The following ARF6 variants were observed in gnomAD, a reference collection of about 807,000 sequenced individuals.
ARF6 encodes the protein ARF GTPase 6.
For missense variants in ARF6, 75 were observed against 232.0 expected (o/e 0.32, Z 4.40); for synonymous variants, 127 against 95.5 (o/e 1.33, Z -1.92).
Position 49,893,735 on chromosome 14 carries a change from C to T in ARF6, c.-2C>T, listed in dbSNP as rs1894482355. On this transcript the variant is annotated 5_prime_UTR_variant, in exon 2 of 2. Transcript: ENST00000298316. ...GCCCCCGGCCCCGGCTCCTCCGACG[C>T]GATGGGGAAGGTGCTATCCAAAATC... 4 of 1,607,930 alleles carry T rather than the reference C, an allele frequency of 2.5e-6. No homozygotes were observed. Among genetic ancestry groups the T allele is most frequent in the Non-Finnish European group, 3.4e-6 (4 of 1,174,776 alleles).
In ARF6 at chr14:49,895,437, A is replaced by G. The variant is rs1894508672; in HGVS notation, c.*1173A>G. ...TGAAGCTGTAAGTCATTTTTTATAG[A>G]TGAGTGATCCGCATCTCCATCAATT... On this transcript the variant is annotated 3_prime_UTR_variant, in exon 2 of 2. Transcript: ENST00000298316. 6.0e-6 allele frequency: 1 copy of G among 167,124 alleles called. No individual in the cohort carries two copies. 10.4% of individuals were successfully genotyped at this position (167,124 alleles called of 1,614,324 possible). A position where few individuals can be genotyped will look rare whatever the true frequency, so the allele number is the denominator to read the frequency against.
rs544191647 is a variant in ARF6, at chr14:49,893,412, G to C, written c.-325G>C. 2 of 213,832 alleles carry C rather than the reference G, an allele frequency of 9.4e-6. No individual in the cohort carries two copies. The highest frequency in any genetic ancestry group is 2.5e-4 in the East Asian group (2 of 8,102). The allele number at this position is 213,832 out of a possible 1,614,324, so 13.2% of individuals were successfully genotyped here. A position where few individuals can be genotyped will look rare whatever the true frequency, so the allele number is the denominator to read the frequency against. ...CCCTCGCGGTGAGAGGAAGGCGGAG[G>C]AGCGGGAACCGCGGCGGCGCTCGCG... is the stretch of plus-strand genomic sequence containing the variant. On this transcript the variant is annotated 5_prime_UTR_variant, in exon 2 of 2. Transcript: ENST00000298316.
Position 49,894,132 on chromosome 14 carries a change from C to T in ARF6, c.396C>T (p.Pro132=), listed in dbSNP as rs755693781. The T allele has an allele frequency of 6.2e-7, 1 of 1,614,150 alleles. No individual in the cohort carries two copies. The highest frequency in any genetic ancestry group is 8.5e-7 in the Non-Finnish European group (1 of 1,180,044). Residue 132 remains proline, a synonymous_variant, in exon 2 of 2, where the codon CCC becomes CCT. Coordinates refer to ENST00000298316, the MANE Select transcript of ARF6 (RefSeq NM_001663.4). ...NKQDLPDAMK[P]HEIQEKLGLT... ...AGGACCTGCCCGATGCCATGAAACC[C>T]CACGAGATCCAGGAGAAACTGGGCC...
In ARF6 at chr14:49,893,121, G is replaced by C. The variant is rs1413336836; in HGVS notation, c.-518G>C. 6.5e-6 allele frequency: 1 copy of C among 153,184 alleles called. No individual in the cohort carries two copies. The highest frequency in any genetic ancestry group is 1.5e-5 in the Non-Finnish European group (1 of 68,828). 9.5% of individuals were successfully genotyped at this position (153,184 alleles called of 1,614,324 possible). On this transcript the variant is annotated 5_prime_UTR_variant, in exon 1 of 2. Transcript: ENST00000298316. Reference sequence around the variant, plus strand: ...GGCAGAACTGGGAGGAGGAGTTGGAGGCCGGAGGGAGCCCGCGCTCGGGGC... The same window carrying C: ...GGCAGAACTGGGAGGAGGAGTTGGACGCCGGAGGGAGCCCGCGCTCGGGGC...
chr14:49,893,688 A>T lies in ARF6; in HGVS notation c.-49A>T, dbSNP rs1277165815. On this transcript the variant is annotated 5_prime_UTR_variant, in exon 2 of 2. Coordinates refer to ENST00000298316, the MANE Select transcript of ARF6 (RefSeq NM_001663.4). Reference sequence around the variant, plus strand: ...GCGGCGGCGGCGGCGTTGTTGGCTGAGGGGACCCGGGACACCTGAATGCCC... The same window carrying T: ...GCGGCGGCGGCGGCGTTGTTGGCTGTGGGGACCCGGGACACCTGAATGCCC... 6.3e-6 allele frequency: 10 copies of T among 1,581,326 alleles called. No individual in the cohort carries two copies. The highest frequency in any genetic ancestry group is 8.6e-6 in the Non-Finnish European group (10 of 1,161,142).
rs1181329873 is a variant in ARF6, at chr14:49,893,844, C to G, written c.108C>G (p.Gly36=). 1.3e-5 allele frequency: 21 copies of G among 1,614,230 alleles called. No individual in the cohort carries two copies. The highest frequency in any genetic ancestry group is 1.8e-5 in the Non-Finnish European group (21 of 1,180,044). The change falls in exon 2 of 2, where the codon GGC becomes GGG. Residue 36 remains glycine (G), a synonymous_variant. Coordinates refer to ENST00000298316, the MANE Select transcript of ARF6 (RefSeq NM_001663.4). ...CAATCCTGTACAAGTTGAAGCTGGG[C>G]CAGTCGGTGACCACCATTCCCACTG... ...KTTILYKLKL[G]QSVTTIPTVG... is the part of the protein sequence containing the mutation.
rs1594840464 is a variant in ARF6 at position 49,893,477 on chromosome 14, C to T, written c.-260C>T. ...GGAAGGGCAGTTCCGGGCCGGGCCG[C>T]GCCTCAGCAGGGCGGCGGCTCCCAG... On this transcript the variant is annotated 5_prime_UTR_variant, in exon 2 of 2. Coordinates refer to ENST00000298316, the MANE Select transcript of ARF6 (RefSeq NM_001663.4). 5.0e-6 allele frequency: 2 copies of T among 400,910 alleles called. No homozygotes were observed. The highest frequency in any genetic ancestry group is 4.5e-5 in the East Asian group (1 of 22,464). 24.8% of individuals were successfully genotyped at this position (400,910 alleles called of 1,614,324 possible).
rs961463355 is a variant in ARF6 at position 49,895,967 on chromosome 14, C to T, written c.*1703C>T. 1 of 166,920 alleles carries T rather than the reference C, an allele frequency of 6.0e-6. No homozygotes were observed. Among genetic ancestry groups the T allele is most frequent in the African/African-American group, 2.4e-5 (1 of 41,422 alleles). The allele number at this position is 166,920 out of a possible 1,614,324, so 10.3% of individuals were successfully genotyped here. ...GAGTGGGTTTTGTTTATGAGGGTGT[C>T]TGAAAACTAAAATTGAGCGGGATAT... On this transcript the variant is annotated 3_prime_UTR_variant, in exon 2 of 2. Coordinates refer to ENST00000298316, the MANE Select transcript of ARF6 (RefSeq NM_001663.4).
Position 49,896,342 on chromosome 14 carries a change from G to A in ARF6, c.*2078G>A, listed in dbSNP as rs1329350406. 6.0e-6 allele frequency: 1 copy of A among 166,964 alleles called. No homozygotes were observed. Among genetic ancestry groups the A allele is most frequent in the Non-Finnish European group, 1.5e-5 (1 of 68,074 alleles). The allele number at this position is 166,964 out of a possible 1,614,324, so 10.3% of individuals were successfully genotyped here. A position where few individuals can be genotyped will look rare whatever the true frequency, so the allele number is the denominator to read the frequency against. On this transcript the variant is annotated 3_prime_UTR_variant, in exon 2 of 2. Transcript: ENST00000298316. ...AAATGTAATTTTTAGTGTTTCAAAT[G>A]ATTGCATTTTAAAGTATATAAATAT... is the stretch of plus-strand genomic sequence containing the variant.
At position 49,896,177 on chromosome 14, in the gene ARF6, A is replaced by G. The variant is rs1169760336; in HGVS notation, c.*1913A>G. The G allele has an allele frequency of 6.0e-6, 1 of 166,324 alleles. No individual in the cohort carries two copies. The highest frequency in any genetic ancestry group is 2.4e-5 in the African/African-American group (1 of 41,460). 10.3% of individuals were successfully genotyped at this position (166,324 alleles called of 1,614,324 possible). A position where few individuals can be genotyped will look rare whatever the true frequency, so the allele number is the denominator to read the frequency against. ...TTCTCATGTAGGCTCCTGTTGGTGC[A>G]GAGGGATTTTTTTGATTTCAGGATA... On this transcript the variant is annotated 3_prime_UTR_variant, in exon 2 of 2. Coordinates refer to ENST00000298316, the MANE Select transcript of ARF6 (RefSeq NM_001663.4).
In ARF6 at chr14:49,894,597, T is replaced by C. The variant is rs1052463598; in HGVS notation, c.*333T>C. The C allele has an allele frequency of 5.2e-5, 12 of 232,204 alleles. No individual in the cohort carries two copies. The highest frequency in any genetic ancestry group is 1.1e-4 in the Non-Finnish European group (12 of 109,004). 14.4% of individuals were successfully genotyped at this position (232,204 alleles called of 1,614,324 possible). A position where few individuals can be genotyped will look rare whatever the true frequency, so the allele number is the denominator to read the frequency against. ...CACAGCAGTTCTTGGTAAAGTCCTT[T>C]GTAATAATAGTTTGATTTTTTTATT... is the stretch of plus-strand genomic sequence containing the variant. On this transcript the variant is annotated 3_prime_UTR_variant, in exon 2 of 2. Coordinates refer to ENST00000298316, the MANE Select transcript of ARF6 (RefSeq NM_001663.4).
At position 49,894,475 on chromosome 14, in the gene ARF6, T is replaced by C. The variant is rs1277686218; in HGVS notation, c.*211T>C. 6 of 424,614 alleles carry C rather than the reference T, an allele frequency of 1.4e-5. No individual in the cohort carries two copies. Among genetic ancestry groups the C allele is most frequent in the Non-Finnish European group, 2.0e-5 (5 of 246,336 alleles). 26.3% of individuals were successfully genotyped at this position (424,614 alleles called of 1,614,324 possible). On this transcript the variant is annotated 3_prime_UTR_variant, in exon 2 of 2. Transcript: ENST00000298316. ...TTCCTTTTTTTTTTTTTTTTTTTTT[T>C]GTTGGCTTTGCGTTAGGATGCTCTG... is the stretch of plus-strand genomic sequence containing the variant.
In ARF6 at chr14:49,893,887, A is replaced by G. The variant is rs1894484554; in HGVS notation, c.151A>G (p.Thr51Ala). The part of the protein sequence containing the change: ...TIPTVGFNVE[T>A]VTYKNVKFNV... ...TCCCACTGTGGGTTTCAACGTGGAG[A>G]CGGTGACTTACAAAAATGTCAAGTT... The change falls in exon 2 of 2, where the codon ACG becomes GCG. Residue 51 changes from threonine (T) to alanine (A), a missense_variant. By Grantham distance (58) the Thr-to-Ala change is moderately conservative. Transcript: ENST00000298316. 6.2e-7 allele frequency: 1 copy of G among 1,614,006 alleles called. No individual in the cohort carries two copies. The highest frequency in any genetic ancestry group is 1.7e-5 in the Admixed American group (1 of 60,000).
Position 49,894,234 on chromosome 14 carries a change from C to A in ARF6, c.498C>A (p.Leu166=), listed in dbSNP as rs143656735. The change falls in exon 2 of 2, where the codon CTC becomes CTA. Residue 166 remains leucine (L), a synonymous_variant. Coordinates refer to ENST00000298316, the MANE Select transcript of ARF6 (RefSeq NM_001663.4). ...CAGGGGACGGACTCTATGAGGGGCT[C>A]ACATGGTTAACCTCTAACTACAAAT... ...ATSGDGLYEG[L]TWLTSNYKS The A allele has an allele frequency of 1.3e-4, 205 of 1,613,362 alleles. No homozygotes were observed. Among genetic ancestry groups the A allele is most frequent in the Non-Finnish European group, 1.4e-5 (17 of 1,179,616 alleles).
rs1566734299 is a variant in ARF6, at chr14:49,893,641, C to G, written c.-96C>G. The G allele has an allele frequency of 3.3e-6, 5 of 1,495,208 alleles. No individual in the cohort carries two copies. The East Asian group carries it at 6.8e-5, about 20-fold the overall frequency. 92.6% of individuals were successfully genotyped at this position (1,495,208 alleles called of 1,614,324 possible). A position where few individuals can be genotyped will look rare whatever the true frequency, so the allele number is the denominator to read the frequency against. On this transcript the variant is annotated 5_prime_UTR_variant, in exon 2 of 2. Transcript: ENST00000298316. ...CAGGCCGCAAAGGCGCTCTCGCGGC[C>G]GAGAGGCTTCGTTTCGGTTTCGCGG...
At position 49,893,894 on chromosome 14, in the gene ARF6, C is replaced by T. The variant is rs780782180; in HGVS notation, c.158C>T (p.Thr53Ile). 1.2e-6 allele frequency: 2 copies of T among 1,614,224 alleles called. No homozygotes were observed. The highest frequency in any genetic ancestry group is 1.7e-6 in the Non-Finnish European group (2 of 1,180,042). ...GTGGGTTTCAACGTGGAGACGGTGA[C>T]TTACAAAAATGTCAAGTTCAACGTA... ...PTVGFNVETVTYKNVKFNVWD... is the reference protein window; with the variant it reads ...PTVGFNVETVIYKNVKFNVWD... The change falls in exon 2 of 2, where the codon ACT (threonine) becomes ATT (isoleucine). Residue 53 changes from threonine to isoleucine, a missense_variant. Thr to Ile is a moderately conservative substitution (Grantham distance 89, BLOSUM62 -1). Transcript: ENST00000298316.
In ARF6 at chr14:49,895,956, T is replaced by G. The variant is rs1064615; in HGVS notation, c.*1692T>G. On this transcript the variant is annotated 3_prime_UTR_variant, in exon 2 of 2. Transcript: ENST00000298316. Reference sequence around the variant, plus strand: ...AGGAAAAGGTGGAGTGGGTTTTGTTTATGAGGGTGTCTGAAAACTAAAATT... The same window carrying G: ...AGGAAAAGGTGGAGTGGGTTTTGTTGATGAGGGTGTCTGAAAACTAAAATT... The G allele has an allele frequency of 0.019, 3,254 of 167,112 alleles. 52 individuals are homozygous for G. The highest frequency in any genetic ancestry group is 0.022 in the Non-Finnish European group (1,523 of 68,084). 10.4% of individuals were successfully genotyped at this position (167,112 alleles called of 1,614,324 possible). A position where few individuals can be genotyped will look rare whatever the true frequency, so the allele number is the denominator to read the frequency against.
rs1187741417 is a variant in ARF6, at chr14:49,896,537, CTG to C, written c.*2274_*2275del. 6.0e-6 allele frequency: 1 copy of C among 166,792 alleles called. No individual in the cohort carries two copies. The highest frequency in any genetic ancestry group is 1.5e-5 in the Non-Finnish European group (1 of 68,066). The allele number at this position is 166,792 out of a possible 1,614,324, so 10.3% of individuals were successfully genotyped here. A position where few individuals can be genotyped will look rare whatever the true frequency, so the allele number is the denominator to read the frequency against. ...GCCATTTTTTTGTGTCTTAAAATAA[CTG>C]GGGGCATAGTTAAAATTTTATACAT... On this transcript the variant is annotated 3_prime_UTR_variant, in exon 2 of 2. Transcript: ENST00000298316.
At position 49,894,353 on chromosome 14, in the gene ARF6, T is replaced by C; in HGVS notation, c.*89T>C. On this transcript the variant is annotated 3_prime_UTR_variant, in exon 2 of 2. Coordinates refer to ENST00000298316, the MANE Select transcript of ARF6 (RefSeq NM_001663.4). Reference sequence around the variant, plus strand: ...CACCATCACCTCTTTCAATTGCCACTTTCTCTTCTTTTGAATTTGAACTCT... The same window carrying C: ...CACCATCACCTCTTTCAATTGCCACCTTCTCTTCTTTTGAATTTGAACTCT... The C allele has an allele frequency of 7.5e-7, 1 of 1,327,120 alleles. No homozygotes were observed. Among genetic ancestry groups the C allele is most frequent in the Non-Finnish European group, 1.0e-6 (1 of 982,104 alleles). The allele number at this position is 1,327,120 out of a possible 1,614,324, so 82.2% of individuals were successfully genotyped here.
Sources: gnomAD v4.1 joint callset for allele counts on GRCh38, gnomAD v4.1.1 for gene constraint, MANE v1.5 for transcripts, NCBI Gene and HGNC (gene_info 2026-07-23, HGNC 2026-07-21) for gene names.